The following SPTLC3 variants were observed in gnomAD, a reference collection of about 807,000 sequenced individuals.
SPTLC3 encodes the protein serine palmitoyltransferase long chain base subunit 3, also known as serine palmitoyltransferase 3.
In SPTLC3, 36 loss-of-function variants were observed where a neutral mutation model predicts 59.3. The observed-to-expected ratio is 0.61, with a 90% CI of 0.47 to 0.80. SPTLC3 has a LOEUF of 0.80. SPTLC3 is among the 30% of genes least tolerant of loss of function. The probability of loss-of-function intolerance (pLI) is 0.00; values close to 1 mark genes in which losing one functional copy is unlikely to be tolerated. For synonymous variants in SPTLC3, 257 were observed against 240.8 expected (o/e 1.07, Z -0.62); for missense variants, 625 against 685.1 (o/e 0.91, Z 0.98).
chr20:13,060,892 C>T (rs1479218563), intron 2 of SPTLC3, among the ~76,000 whole-genome samples: 1 of 152,054 alleles, frequency 6.6e-6, no homozygotes, highest in Non-Finnish European at 1.5e-5. Flanking sequence ...GTTGATTTCA[C>T]ATCTTTGCTG....
chr20:13,156,333 A>G (rs372845607), intron 10 of SPTLC3, among the ~76,000 whole-genome samples: 4 of 152,232 alleles, frequency 2.6e-5, no homozygotes, highest in South Asian at 2.1e-4. Context: ...AACCAACCCA[A>G]TGAGAAGAGT....
At chr20:13,060,407 T>A (rs4549176) in intron 2 of SPTLC3, among the ~76,000 whole-genome samples, 25 of 151,218 alleles carry the variant, frequency 1.7e-4, no homozygotes, top group Admixed American at 2.0e-4. Context: ...TTTATTTATT[T>A]ATTTATTTAT....
intron 4 of SPTLC3, among the ~76,000 whole-genome samples, chr20:13,089,984 G>T (rs1386083680): frequency 3.9e-5 from 6 of 152,028 alleles, no homozygotes; most frequent in Non-Finnish European, 8.8e-5. Context: ...CTATGCTTTA[G>T]CTTTACATTT....
chr20:13,051,641 A>G (rs1012014709), intron 2 of SPTLC3, among the ~76,000 whole-genome samples: 1 of 152,212 alleles, frequency 6.6e-6, no homozygotes. Flanking sequence ...TACACATTCT[A>G]TTCAACAGCA....
chr20:13,011,337 C>T (rs574942618), intron 1 of SPTLC3, among the ~76,000 whole-genome samples: 111 of 152,248 alleles, frequency 7.3e-4, no homozygotes, highest in African/African-American at 1.4e-3. Context: ...CTTACAGAAT[C>T]CTAGGCTGCT....
intron 7 of SPTLC3, among the ~76,000 whole-genome samples, chr20:13,111,185 G>A (rs1353383638): frequency 6.6e-6 from 1 of 152,134 alleles, no homozygotes; most frequent in Non-Finnish European, 1.5e-5. Context: ...GGTTCTGGAT[G>A]TTCCCAGTCC....
chr20:13,146,793 A>T (rs1372604363), intron 9 of SPTLC3, among the ~76,000 whole-genome samples: 1 of 152,190 alleles, frequency 6.6e-6, no homozygotes, highest in Non-Finnish European at 1.5e-5. Flanking sequence ...TGTGAAGTGT[A>T]TAACTCCGTG....
chr20:13,054,567 A>T (rs959616659), intron 2 of SPTLC3, among the ~76,000 whole-genome samples: 3 of 152,138 alleles, frequency 2.0e-5, no homozygotes, highest in Non-Finnish European at 2.9e-5. Flanking sequence ...GGTTGATTTG[A>T]CCTAGGAAAA....
chr20:13,096,553 C>T (rs1989421941), intron 6 of SPTLC3, among the ~76,000 whole-genome samples: 1 of 151,782 alleles, frequency 6.6e-6, no homozygotes, highest in African/African-American at 2.4e-5. Flanking sequence ...TGTATACATA[C>T]TGTCTGAGTT....
chr20:13,061,934 G>A (rs920260233), intron 2 of SPTLC3, among the ~76,000 whole-genome samples: 5 of 152,106 alleles, frequency 3.3e-5, no homozygotes, highest in African/African-American at 1.2e-4. Flanking sequence ...TCCAAGCAGA[G>A]CTGCCAGAGA....
chr20:13,040,021 C>A (rs1373719613), intron 1 of SPTLC3, among the ~76,000 whole-genome samples: 2 of 148,956 alleles, frequency 1.3e-5, no homozygotes, highest in Non-Finnish European at 1.5e-5. Flanking sequence ...GGAAAGGATG[C>A]CAAATATATA....
At chr20:13,107,162 G>T (rs1036899223) in intron 6 of SPTLC3, among the ~76,000 whole-genome samples, 1 of 152,150 alleles carries the variant, frequency 6.6e-6, no homozygotes, top group African/African-American at 2.4e-5. Context: ...AAACGTCTGG[G>T]CCCTGACCCA....
At chr20:13,023,221 C>G (rs538402344) in intron 1 of SPTLC3, among the ~76,000 whole-genome samples, 3 of 151,494 alleles carry the variant, frequency 2.0e-5, no homozygotes, top group East Asian at 3.9e-4. Flanking sequence ...GGCCCCTTTC[C>G]TGCTTAATTG....
intron 1 of SPTLC3, 60 bp from the exon 2 acceptor site, chr20:13,048,885 G>T: frequency 7.2e-7 from 1 of 1,394,890 alleles, no homozygotes. Flanking sequence ...ACAATTTTAG[G>T]TATCATAGTA....
chr20:13,116,442 G>C (rs750397571), intron 7 of SPTLC3, among the ~76,000 whole-genome samples: 1 of 152,134 alleles, frequency 6.6e-6, no homozygotes, highest in Non-Finnish European at 1.5e-5. Flanking sequence ...AGTGTTCTGA[G>C]AACTGATTAC....
chr20:13,059,524 T>C (rs903666010), intron 2 of SPTLC3, among the ~76,000 whole-genome samples: 1 of 152,208 alleles, frequency 6.6e-6, no homozygotes, highest in African/African-American at 2.4e-5. Flanking sequence ...CCCTTTCACA[T>C]GCACAGCTAT....
Position 13,058,152 on chromosome 20 carries a change from C to A in SPTLC3, c.303+9022C>A, listed in dbSNP as rs570158619. 4.1e-4 allele frequency among the ~76,000 whole-genome samples: 63 copies of A among 152,208 alleles called. 2 individuals are homozygous for A. The highest frequency in any genetic ancestry group is 3.3e-3 in the South Asian group (16 of 4,808). ...CCGAAAACAAAGTGGGTTCAGCAAG[C>A]TGCAGCTGTAGAAAATTTTAGGACA... On this transcript the variant is annotated intron_variant, in intron 2 of 11. Coordinates refer to ENST00000399002, the MANE Select transcript of SPTLC3 (RefSeq NM_018327.4).
intron 1 of SPTLC3, among the ~76,000 whole-genome samples, chr20:13,033,714 C>G (rs1019091994): frequency 6.6e-6 from 1 of 152,062 alleles, no homozygotes; most frequent in African/African-American, 2.4e-5. Flanking sequence ...TGCAAGTGAT[C>G]TTTTATTTTC....
chr20:13,087,160 T>A (rs1284637567), intron 4 of SPTLC3, among the ~76,000 whole-genome samples: 1 of 152,136 alleles, frequency 6.6e-6, no homozygotes, highest in Non-Finnish European at 1.5e-5. Flanking sequence ...CTCAGACTGG[T>A]CTTAGACATA....
Sources: gnomAD v4.1 joint callset for allele counts (sites outside exome capture counted in the v4.1 genomes callset) on GRCh38, gnomAD v4.1.1 for gene constraint, MANE v1.5 for transcripts, NCBI Gene and HGNC (gene_info 2026-07-23, HGNC 2026-07-21) for gene names.